DCUN1D5: variants seen among roughly 807,000 people sequenced by gnomAD.
The protein encoded by DCUN1D5 is DCN1-like protein 5.
DCUN1D5 carries 10 observed loss-of-function variants against 38.3 expected under a neutral mutation model. The observed-to-expected ratio is 0.26, with a 90% CI of 0.16 to 0.44. The LOEUF (loss-of-function observed/expected upper bound fraction) is 0.44, where lower values mean the gene tolerates loss of function less well. Among genes scored for constraint, DCUN1D5 ranks in the 20% least tolerant of loss-of-function variants. DCUN1D5 has a pLI of 1.00. For synonymous variants in DCUN1D5, 93 were observed against 90.9 expected, an observed-to-expected ratio of 1.02 and a Z score of -0.13; for missense variants, 148 against 275.3, an observed-to-expected ratio of 0.54 and a Z score of 3.27.
At position 103,053,614 on chromosome 11, in the gene DCUN1D5, T is replaced by C. The variant is rs1175917993; in HGVS notation, c.*8745A>G. The C allele has an allele frequency of 2.6e-5, 4 of 151,904 alleles. No homozygotes were observed. Among genetic ancestry groups the C allele is most frequent in the African/African-American group, 4.8e-5 (2 of 41,382 alleles). 9.4% of individuals were successfully genotyped at this position (151,904 alleles called of 1,614,324 possible). A position where few individuals can be genotyped will look rare whatever the true frequency, so the allele number is the denominator to read the frequency against. ...CACATGTACCCCCCAAATAAATACA[T>C]TATGTATCAATGAATTTTAATTATA... On this transcript the variant is annotated 3_prime_UTR_variant, in exon 8 of 8. Coordinates refer to ENST00000260247, the MANE Select transcript of DCUN1D5 (RefSeq NM_032299.4). The surrounding 1 kb of genome is among the most constrained non-coding windows in gnomAD (Gnocchi z 4.8).
In DCUN1D5 at chr11:103,064,412, T is replaced by C. The variant is rs112149266; in HGVS notation, c.556-35A>G. On this transcript the variant is annotated intron_variant, in intron 6 of 7. Coordinates refer to ENST00000260247, the MANE Select transcript of DCUN1D5 (RefSeq NM_032299.4). The surrounding 1 kb of genome is among the most constrained non-coding windows in gnomAD (Gnocchi z 4.5). ...TGATTTAAATATTTGTATTTAAATATTTAAACAAACATCATTTACTCAATT... is the reference window on the plus strand; with the variant it reads ...TGATTTAAATATTTGTATTTAAATACTTAAACAAACATCATTTACTCAATT... The C allele has an allele frequency of 1.0e-3, 1,554 of 1,493,032 alleles. 14 individuals carry two copies. The African/African-American group carries it at 0.02, about 19-fold the overall frequency. 92.5% of individuals were successfully genotyped at this position (1,493,032 alleles called of 1,614,324 possible).
At position 103,066,393 on chromosome 11, in the gene DCUN1D5, G is replaced by C; in HGVS notation, c.451-20C>G. 1 of 1,599,058 alleles carries C rather than the reference G, an allele frequency of 6.3e-7. No homozygotes were observed. The highest frequency in any genetic ancestry group is 8.5e-7 in the Non-Finnish European group (1 of 1,171,754). On this transcript the variant is annotated intron_variant, in intron 5 of 7. Transcript: ENST00000260247. This position sits in a 1 kb window ranked among gnomAD's most constrained non-coding sequence, Gnocchi z 4.7. ...TTTATCCTAAAATATAAGTGAAAAAGTTTTCCTAAGTGTGGTCTCAAGATG... is the reference window on the plus strand; with the variant it reads ...TTTATCCTAAAATATAAGTGAAAAACTTTTCCTAAGTGTGGTCTCAAGATG...
rs1280456341 is a variant in DCUN1D5 at position 103,053,684 on chromosome 11, T to C, written c.*8675A>G. 6.6e-6 allele frequency: 1 copy of C among 151,744 alleles called. No homozygotes were observed. Among genetic ancestry groups the C allele is most frequent in the East Asian group, 1.9e-4 (1 of 5,184 alleles). The allele number at this position is 151,744 out of a possible 1,614,324, so 9.4% of individuals were successfully genotyped here. ...CATGTACCCCCAAATAAATACATCA[T>C]GTATCAATGAATTTTAATTATATGA... On this transcript the variant is annotated 3_prime_UTR_variant, in exon 8 of 8. Coordinates refer to ENST00000260247, the MANE Select transcript of DCUN1D5 (RefSeq NM_032299.4). This position sits in a 1 kb window ranked among gnomAD's most constrained non-coding sequence, Gnocchi z 4.8.
In DCUN1D5 at chr11:103,058,246, G is replaced by A. The variant is rs1207874979; in HGVS notation, c.*4113C>T. Reference sequence around the variant, plus strand: ...AGCATACACAGCAAAATGTTTCATCGATCCTAAAAAGAAAATGGTCACACC... The same window carrying A: ...AGCATACACAGCAAAATGTTTCATCAATCCTAAAAAGAAAATGGTCACACC... On this transcript the variant is annotated 3_prime_UTR_variant, in exon 8 of 8. Coordinates refer to ENST00000260247, the MANE Select transcript of DCUN1D5 (RefSeq NM_032299.4). Among the ~76,000 whole-genome samples the A allele has an allele frequency of 2.6e-5, 4 of 152,054 alleles. No homozygotes were observed. The highest frequency in any genetic ancestry group is 1.9e-4 in the East Asian group (1 of 5,194).
At chr11:103,090,516 CT>C (rs1862831134) in intron 1 of DCUN1D5, among the ~76,000 whole-genome samples, 1 of 152,212 alleles carries the variant, frequency 6.6e-6, no homozygotes, top group Non-Finnish European at 1.5e-5. Flanking sequence ...TTATTTCCTT[CT>C]TATAATCCTG....
rs1861811102 is a variant in DCUN1D5 at position 103,054,032 on chromosome 11, T to G, written c.*8327A>C. 6.6e-6 allele frequency: 1 copy of G among 152,080 alleles called. No homozygotes were observed. 9.4% of individuals were successfully genotyped at this position (152,080 alleles called of 1,614,324 possible). A position where few individuals can be genotyped will look rare whatever the true frequency, so the allele number is the denominator to read the frequency against. ...AAGGACTAGGGGTGCAAGAGGACCA[T>G]GTATGGGAAAACTTTCCAGGTGAAA... On this transcript the variant is annotated 3_prime_UTR_variant, in exon 8 of 8. Transcript: ENST00000260247.
Position 103,058,207 on chromosome 11 carries a change from C to A in DCUN1D5, c.*4152G>T, listed in dbSNP as rs965422937. 3.3e-5 allele frequency among the ~76,000 whole-genome samples: 5 copies of A among 152,048 alleles called. No homozygotes were observed. The highest frequency in any genetic ancestry group is 7.4e-5 in the Non-Finnish European group (5 of 68,014). On this transcript the variant is annotated 3_prime_UTR_variant, in exon 8 of 8. Transcript: ENST00000260247. Reference sequence around the variant, plus strand: ...AAAATGAGCCATATTATAAGAGGTTCTAATACATGACACAGCATACACAGC... The same window carrying A: ...AAAATGAGCCATATTATAAGAGGTTATAATACATGACACAGCATACACAGC...
At position 103,071,684 on chromosome 11, in the gene DCUN1D5, C is replaced by T. The variant is rs1360019439; in HGVS notation, c.342-5117G>A. Among the ~76,000 whole-genome samples, 1 of 150,580 alleles carries T rather than the reference C, an allele frequency of 6.6e-6. No homozygotes were observed. The highest frequency in any genetic ancestry group is 1.5e-5 in the Non-Finnish European group (1 of 67,578). On this transcript the variant is annotated intron_variant, in intron 4 of 7. Transcript: ENST00000260247. The surrounding 1 kb of genome is among the most constrained non-coding windows in gnomAD (Gnocchi z 4.1). ...ACATCAAAACTTGGATGAAATGGAC[C>T]AATAAGTTCCTTGAAAAACACAAAC...
rs1004025129 is a variant in DCUN1D5, at chr11:103,071,320, C to A, written c.342-4753G>T. Reference sequence around the variant, plus strand: ...AAAAAGAGAGAAGACAAAAATTACCCATATCAGGAATGAAATGGGGTATTA... The same window carrying A: ...AAAAAGAGAGAAGACAAAAATTACCAATATCAGGAATGAAATGGGGTATTA... On this transcript the variant is annotated intron_variant, in intron 4 of 7. Coordinates refer to ENST00000260247, the MANE Select transcript of DCUN1D5 (RefSeq NM_032299.4). This position sits in a 1 kb window ranked among gnomAD's most constrained non-coding sequence, Gnocchi z 4.1. Among the ~76,000 whole-genome samples the A allele has an allele frequency of 1.3e-5, 2 of 151,676 alleles. No homozygotes were observed. The highest frequency in any genetic ancestry group is 4.8e-5 in the African/African-American group (2 of 41,354).
chr11:103,070,693 C>CA (rs1178927490), intron 4 of DCUN1D5, among the ~76,000 whole-genome samples: 1 of 152,136 alleles, frequency 6.6e-6, no homozygotes, highest in Non-Finnish European at 1.5e-5. Flanking sequence ...TCAACGAACA[C>CA]AGAGAATTTA....
rs1399203873 is a variant in DCUN1D5 at position 103,083,471 on chromosome 11, ATTTGCTAC to A, written c.179-153_179-146del. ...TGGCATAGCTTTGATAAGTATAAAT[ATTTGCTAC>A]AGGATTTAAAATTTAAAATTTGTGA... On this transcript the variant is annotated intron_variant, in intron 2 of 7. Coordinates refer to ENST00000260247, the MANE Select transcript of DCUN1D5 (RefSeq NM_032299.4). The surrounding 1 kb of genome is among the most constrained non-coding windows in gnomAD (Gnocchi z 4.4). 9 of 525,304 alleles carry A rather than the reference ATTTGCTAC, an allele frequency of 1.7e-5. No individual in the cohort carries two copies. Among genetic ancestry groups the A allele is most frequent in the Admixed American group, 3.3e-5 (1 of 29,868 alleles). The allele number at this position is 525,304 out of a possible 1,614,324, so 32.5% of individuals were successfully genotyped here.
chr11:103,059,973 T>TA lies in DCUN1D5; in HGVS notation c.*2385dup, dbSNP rs1299866506. 6.6e-6 allele frequency among the ~76,000 whole-genome samples: 1 copy of TA among 152,176 alleles called. No homozygotes were observed. The highest frequency in any genetic ancestry group is 2.4e-5 in the African/African-American group (1 of 41,450). On this transcript the variant is annotated 3_prime_UTR_variant, in exon 8 of 8. Coordinates refer to ENST00000260247, the MANE Select transcript of DCUN1D5 (RefSeq NM_032299.4). Reference sequence around the variant, plus strand: ...TAGTCAAAAAAGGAACCACAACAGTTAGACTTTTTTATACTGCAGGGTCCT... The same window carrying TA: ...TAGTCAAAAAAGGAACCACAACAGTTAAGACTTTTTTATACTGCAGGGTCCT...
intron 4 of DCUN1D5, among the ~76,000 whole-genome samples, chr11:103,070,877 A>ATTG (rs1759265353): frequency 6.6e-6 from 1 of 152,186 alleles, no homozygotes; most frequent in Non-Finnish European, 1.5e-5. Flanking sequence ...GTGTTCTCTG[A>ATTG]CAACAATGGA....
intron 4 of DCUN1D5, among the ~76,000 whole-genome samples, chr11:103,068,744 A>G (rs1862197824): frequency 1.3e-5 from 2 of 152,062 alleles, no homozygotes; most frequent in South Asian, 4.1e-4. Context: ...ACTAGGCTTA[A>G]TACCTGGGTA....
chr11:103,080,579 C>T (rs1862534513), intron 4 of DCUN1D5, among the ~76,000 whole-genome samples: 1 of 152,278 alleles, frequency 6.6e-6, no homozygotes, highest in South Asian at 2.1e-4. Flanking sequence ...CAAGGCTCTA[C>T]AGTATATTAT....
At chr11:103,067,878 A>G (rs1862171995) in intron 4 of DCUN1D5, among the ~76,000 whole-genome samples, 1 of 152,026 alleles carries the variant, frequency 6.6e-6, no homozygotes, top group Non-Finnish European at 1.5e-5. Context: ...AGTACATAAG[A>G]CTCAGAAAAT....
intron 4 of DCUN1D5, among the ~76,000 whole-genome samples, chr11:103,070,553 T>C (rs532463851): frequency 2.0e-5 from 3 of 152,162 alleles, no homozygotes; most frequent in African/African-American, 4.8e-5. Flanking sequence ...CGTTAAACAA[T>C]AGAGCTGCAA....
Position 103,063,892 on chromosome 11 carries a change from T to C in DCUN1D5, c.658+383A>G, listed in dbSNP as rs1862073959. On this transcript the variant is annotated intron_variant, in intron 7 of 7. Coordinates refer to ENST00000260247, the MANE Select transcript of DCUN1D5 (RefSeq NM_032299.4). The surrounding 1 kb of genome is among the most constrained non-coding windows in gnomAD (Gnocchi z 4.6). ...GTTAATGGGTAGCATAATATTACAA[T>C]AATGTTAAAGCTTTTTCTATTGTGG... 1.3e-5 allele frequency among the ~76,000 whole-genome samples: 2 copies of C among 152,152 alleles called. No homozygotes were observed. Among genetic ancestry groups the C allele is most frequent in the Admixed American group, 6.5e-5 (1 of 15,274 alleles).
rs1862871542 is a variant in DCUN1D5 at position 103,091,659 on chromosome 11, C to T, written c.86+128G>A. 6.4e-7 allele frequency: 1 copy of T among 1,570,784 alleles called. No homozygotes were observed. Among genetic ancestry groups the T allele is most frequent in the Non-Finnish European group, 8.6e-7 (1 of 1,156,912 alleles). ...GACTCGCGGTGTTCGGCACCTACAG[C>T]CTAGCTCGATCAAAGGGGCCTCACC... On this transcript the variant is annotated intron_variant, in intron 1 of 7. Transcript: ENST00000260247. The surrounding 1 kb of genome is among the most constrained non-coding windows in gnomAD (Gnocchi z 4.3).
Sources: allele counts gnomAD v4.1 joint callset (sites outside exome capture counted in the v4.1 genomes callset), GRCh38; gene constraint gnomAD v4.1.1; non-coding constraint Gnocchi (gnomAD v3.1); transcripts MANE v1.5; gene names NCBI Gene and HGNC (gene_info 2026-07-23, HGNC 2026-07-21).